The following GABPB1 variants were observed in gnomAD, a reference collection of about 807,000 sequenced individuals.
The protein encoded by GABPB1 is GA-binding protein subunit beta-1.
In GABPB1, 15 loss-of-function variants were observed where a neutral mutation model predicts 45.9. That is an observed-to-expected ratio of 0.33 (90% CI 0.22 to 0.50). The LOEUF is 0.50. Ranked by LOEUF, GABPB1 falls within the 20% of genes least tolerant of loss-of-function variation. The probability of loss-of-function intolerance (pLI) is 0.98; values close to 1 mark genes in which losing one functional copy is unlikely to be tolerated. For missense variants in GABPB1, 252 were observed against 457.5 expected (o/e 0.55, Z 4.10); for synonymous variants, 143 against 154.4 (o/e 0.93, Z 0.55).
intron 4 of GABPB1, among the ~76,000 whole-genome samples, 186 bp from the exon 5 acceptor site, chr15:50,301,554 A>T (rs543994880): frequency 1.9e-4 from 29 of 152,316 alleles, no homozygotes; most frequent in African/African-American, 6.7e-4. Context: ...TTATATCCCA[A>T]GTCCCCCTCT....
Position 50,277,448 on chromosome 15 carries a change from A to G in GABPB1, c.*1184T>C, listed in dbSNP as rs2045856985. The G allele has an allele frequency of 6.6e-6, 1 of 151,138 alleles. No homozygotes were observed. The highest frequency in any genetic ancestry group is 1.5e-5 in the Non-Finnish European group (1 of 67,830). 9.4% of individuals were successfully genotyped at this position (151,138 alleles called of 1,614,324 possible). The stretch of plus-strand genomic sequence containing the variant: ...TAATATTTTACCAAAAAAAAAAAAG[A>G]AAAAGTGAACAGTCTGCCAGTGTTT... On this transcript the variant is annotated 3_prime_UTR_variant, in exon 9 of 9. Coordinates refer to ENST00000380877, the MANE Select transcript of GABPB1 (RefSeq NM_016654.5).
At chr15:50,292,314 C>CAAAAAA (rs762047613) in intron 6 of GABPB1, among the ~76,000 whole-genome samples, 12 of 49,512 alleles carry the variant, frequency 2.4e-4, no homozygotes, top group East Asian at 4.8e-4. Flanking sequence ...GACTCCATCT[C>CAAAAAA]AAAAAAAAAA....
intron 8 of GABPB1, among the ~76,000 whole-genome samples, chr15:50,279,938 A>G (rs1267879867): frequency 6.6e-6 from 1 of 152,096 alleles, no homozygotes; most frequent in Non-Finnish European, 1.5e-5. Context: ...ACTCCTGCCC[A>G]TTGTGAACAC....
At chr15:50,331,906 G>A (rs765729053) in intron 1 of GABPB1, among the ~76,000 whole-genome samples, 2 of 148,302 alleles carry the variant, frequency 1.3e-5, no homozygotes, top group Non-Finnish European at 1.5e-5. Context: ...ATAGAGTCTC[G>A]CTCTGTCGCC....
intron 2 of GABPB1, among the ~76,000 whole-genome samples, chr15:50,309,443 C>A (rs564602496): frequency 6.6e-6 from 1 of 152,124 alleles, no homozygotes; most frequent in Non-Finnish European, 1.5e-5. Context: ...ATTCATGCCA[C>A]ATTAATGCAC....
intron 1 of GABPB1, among the ~76,000 whole-genome samples, chr15:50,336,505 T>C (rs1446771011): frequency 5.3e-5 from 8 of 151,482 alleles, no homozygotes; most frequent in Non-Finnish European, 8.8e-5. Flanking sequence ...ACTCCATCTC[T>C]ACAAAAAAAT....
intron 7 of GABPB1, among the ~76,000 whole-genome samples, chr15:50,287,546 T>G (rs2046206497): frequency 6.6e-6 from 1 of 152,130 alleles, no homozygotes; most frequent in Admixed American, 6.5e-5. Context: ...AATACTGAGG[T>G]AGACCATGTG....
In GABPB1 at chr15:50,278,549, C is replaced by T; in HGVS notation, c.*83G>A. 1 of 1,098,008 alleles carries T rather than the reference C, an allele frequency of 9.1e-7. No homozygotes were observed. Among genetic ancestry groups the T allele is most frequent in the Non-Finnish European group, 1.3e-6 (1 of 778,582 alleles). 68.0% of individuals were successfully genotyped at this position (1,098,008 alleles called of 1,614,324 possible). Reference sequence around the variant, plus strand: ...AGTCTCTTCTATCATTCTGTATTCCCATGGCTGTACCTTTGTTGTGTACAG... The same window carrying T: ...AGTCTCTTCTATCATTCTGTATTCCTATGGCTGTACCTTTGTTGTGTACAG... On this transcript the variant is annotated 3_prime_UTR_variant, in exon 9 of 9. Coordinates refer to ENST00000380877, the MANE Select transcript of GABPB1 (RefSeq NM_016654.5).
chr15:50,322,222 A>T (rs1170370172), intron 1 of GABPB1, among the ~76,000 whole-genome samples: 1 of 152,078 alleles, frequency 6.6e-6, no homozygotes, highest in East Asian at 1.9e-4. Context: ...CAGTACACCA[A>T]ACTGAGTTCA....
rs568566372 is a variant in GABPB1 at position 50,293,618 on chromosome 15, A to G, written c.698-3950T>C. Among the ~76,000 whole-genome samples, 6 of 152,350 alleles carry G rather than the reference A, an allele frequency of 3.9e-5. No homozygotes were observed. The South Asian group carries it at 1.2e-3, about 32-fold the overall frequency. ...ATTTTTTCAAAAACTATCCATATGA[A>G]AAAGAAATATTCACTTGAACTGAAT... On this transcript the variant is annotated intron_variant, in intron 6 of 8. Coordinates refer to ENST00000380877, the MANE Select transcript of GABPB1 (RefSeq NM_016654.5).
intron 6 of GABPB1, among the ~76,000 whole-genome samples, chr15:50,295,585 T>C (rs759401869): frequency 1.3e-5 from 2 of 151,966 alleles, no homozygotes; most frequent in Non-Finnish European, 2.9e-5. Context: ...ATGGTGGTAG[T>C]TTTCCTCATA....
At chr15:50,297,232 A>G (rs2046552654) in intron 6 of GABPB1, among the ~76,000 whole-genome samples, 1 of 143,064 alleles carries the variant, frequency 7.0e-6, no homozygotes, top group South Asian at 2.2e-4. Flanking sequence ...TTTTTTTTTG[A>G]GATGGAGTCT....
intron 1 of GABPB1, chr15:50,354,600 C>T (rs561730769): frequency 1.8e-5 from 8 of 446,074 alleles, no homozygotes; most frequent in East Asian, 7.9e-5. Flanking sequence ...CCTCCAGTCG[C>T]CCGCAGAACC....
chr15:50,296,772 T>C (rs1273291021), intron 6 of GABPB1, among the ~76,000 whole-genome samples: 5 of 152,186 alleles, frequency 3.3e-5, no homozygotes, highest in Non-Finnish European at 7.3e-5. Flanking sequence ...AGTCTGACGA[T>C]AGATTTTAAA....
chr15:50,345,076 A>G (rs2048515185), intron 1 of GABPB1, among the ~76,000 whole-genome samples: 1 of 152,142 alleles, frequency 6.6e-6, no homozygotes, highest in Admixed American at 6.5e-5. Flanking sequence ...AACATCTAAG[A>G]GGGGAATAAT....
intron 6 of GABPB1, among the ~76,000 whole-genome samples, chr15:50,297,215 CTTCTTTT>C (rs1174800869): frequency 5.0e-5 from 2 of 40,350 alleles, no homozygotes; most frequent in African/African-American, 1.5e-4. Context: ...CCACCCATTA[CTTCTTTT>C]TTTTTTTTGA....
chr15:50,289,943 A>T (rs552266691), intron 6 of GABPB1, among the ~76,000 whole-genome samples: 27 of 151,332 alleles, frequency 1.8e-4, no homozygotes, highest in African/African-American at 6.1e-4. Flanking sequence ...GACTAGTTTT[A>T]TTTTTTTTAG....
chr15:50,331,877 GTTTTT>G (rs869302683), intron 1 of GABPB1, among the ~76,000 whole-genome samples: 1 of 137,454 alleles, frequency 7.3e-6, no homozygotes, highest in African/African-American at 2.8e-5. Context: ...TTTGTTTTTT[GTTTTT>G]TGTTTTTTTT....
chr15:50,313,929 C>G (rs1480318075), intron 1 of GABPB1, among the ~76,000 whole-genome samples: 1 of 151,828 alleles, frequency 6.6e-6, no homozygotes, highest in African/African-American at 2.4e-5. Flanking sequence ...GTTTTATGTT[C>G]CTGACTTACT....
Sources: allele counts gnomAD v4.1 joint callset (sites outside exome capture counted in the v4.1 genomes callset), GRCh38; gene constraint gnomAD v4.1.1; transcripts MANE v1.5; gene names NCBI Gene and HGNC (gene_info 2026-07-23, HGNC 2026-07-21).